Variants in HYCC1 observed in about 807,000 individuals in gnomAD.
HYCC1 encodes the protein hyccin.
the HYCC1 span, among the ~76,000 whole-genome samples, chr7:22,979,886 T>C: frequency 1.3e-5 from 2 of 152,172 alleles, no homozygotes; most frequent in African/African-American, 2.4e-5. Context: ...CAAGATTAGA[T>C]GAAATTATGC....
At chr7:22,914,336 T>C in the HYCC1 span, among the ~76,000 whole-genome samples, 185 of 152,328 alleles carry the variant, frequency 1.2e-3, no homozygotes, top group African/African-American at 4.3e-3. Flanking sequence ...TCCGTGTCTC[T>C]ACCCTCTCTT....
chr7:22,902,502 G>A, the HYCC1 span, among the ~76,000 whole-genome samples: 2 of 151,904 alleles, frequency 1.3e-5, no homozygotes, highest in South Asian at 2.1e-4. Context: ...AGAATTATTG[G>A]AACCAAAATT....
chr7:22,983,561 T>A, the HYCC1 span, among the ~76,000 whole-genome samples: 1 of 152,208 alleles, frequency 6.6e-6, no homozygotes, highest in Non-Finnish European at 1.5e-5. Flanking sequence ...CTTGAAACCA[T>A]GTGTTTACTT....
chr7:22,986,942 T>C, the HYCC1 span, among the ~76,000 whole-genome samples: 1 of 152,118 alleles, frequency 6.6e-6, no homozygotes, highest in African/African-American at 2.4e-5. Context: ...AAGGAGGTGA[T>C]AGGGGTTGAG....
chr7:22,949,411 G>A, the HYCC1 span, among the ~76,000 whole-genome samples: 1 of 151,940 alleles, frequency 6.6e-6, no homozygotes, highest in Non-Finnish European at 1.5e-5. Context: ...CTCTTCATTC[G>A]AGTCCGTTTG....
chr7:22,935,426 C>T, the HYCC1 span: 104,642 of 151,950 alleles, frequency 0.69, 36,052 homozygotes, highest in South Asian at 0.73. Context: ...TGATGCACTT[C>T]CAATTCACTC....
the HYCC1 span, among the ~76,000 whole-genome samples, chr7:22,930,347 T>TA: frequency 2.2e-3 from 250 of 114,988 alleles, 1 homozygote; most frequent in Middle Eastern, 9.1e-3. Context: ...GTATAATAAT[T>TA]AAAAAAAAAA....
At chr7:22,908,103 A>C in the HYCC1 span, among the ~76,000 whole-genome samples, 1 of 152,214 alleles carries the variant, frequency 6.6e-6, no homozygotes, top group South Asian at 2.1e-4. Flanking sequence ...CTTGCCTCCA[A>C]ATTTTCTGAG....
At chr7:22,978,326 G>A in the HYCC1 span, 4 of 1,613,940 alleles carry the variant, frequency 2.5e-6, no homozygotes, top group African/African-American at 1.3e-5. Flanking sequence ...GCACATTTCT[G>A]CTGGCTGAGA....
the HYCC1 span, among the ~76,000 whole-genome samples, chr7:22,914,552 C>T: frequency 9.9e-5 from 15 of 152,112 alleles, no homozygotes; most frequent in African/African-American, 3.6e-4. Flanking sequence ...CTTTTGATTT[C>T]TCCATCTTAC....
chr7:23,010,669 T>C, the HYCC1 span, among the ~76,000 whole-genome samples: 22,937 of 152,170 alleles, frequency 0.15, 2,140 homozygotes, highest in Admixed American at 0.22. Flanking sequence ...TACACTTCAA[T>C]AGAAAAGCTG....
At chr7:22,946,167 A>T in the HYCC1 span, 1 of 1,609,250 alleles carries the variant, frequency 6.2e-7, no homozygotes, top group South Asian at 1.1e-5. Context: ...GTATTTCCTA[A>T]ACAAAGAAAT....
chr7:22,938,349 A>C, the HYCC1 span: 1 of 152,152 alleles, frequency 6.6e-6, no homozygotes, highest in Non-Finnish European at 1.5e-5. Flanking sequence ...TGCTAATCCC[A>C]ATCAGTTCCC....
chr7:22,955,102 CA>C, the HYCC1 span, among the ~76,000 whole-genome samples: 2 of 151,356 alleles, frequency 1.3e-5, no homozygotes, highest in South Asian at 2.1e-4. Flanking sequence ...ACAGAACATA[CA>C]AAAAATCTTT....
chr7:22,948,516 A>C, the HYCC1 span, among the ~76,000 whole-genome samples: 1 of 152,118 alleles, frequency 6.6e-6, no homozygotes. Context: ...GATTTTTAAA[A>C]GCCCCAGGTG....
the HYCC1 span, among the ~76,000 whole-genome samples, chr7:22,967,339 A>G: frequency 6.6e-6 from 1 of 152,192 alleles, no homozygotes; most frequent in East Asian, 1.9e-4. Context: ...AGAAAAAGTG[A>G]TATTTTTCCA....
At chr7:22,962,945 C>T in the HYCC1 span, among the ~76,000 whole-genome samples, 1 of 152,094 alleles carries the variant, frequency 6.6e-6, no homozygotes, top group African/African-American at 2.4e-5. Context: ...CTCCAGCAAT[C>T]CAGCTCTCCA....
chr7:22,957,374 C>T, the HYCC1 span, among the ~76,000 whole-genome samples: 1 of 149,718 alleles, frequency 6.7e-6, no homozygotes, highest in African/African-American at 2.4e-5. Flanking sequence ...CACTCGTTTC[C>T]CTCTTCTACC....
the HYCC1 span, chr7:22,964,610 T>C: frequency 1.3e-6 from 1 of 771,714 alleles, no homozygotes; most frequent in Admixed American, 1.9e-5. Context: ...AAGCCAACAA[T>C]GTACTAGGTA....
Sources: allele counts gnomAD v4.1 joint callset (sites outside exome capture counted in the v4.1 genomes callset), GRCh38; gene constraint gnomAD v4.1.1; transcripts MANE v1.5; gene names NCBI Gene and HGNC (gene_info 2026-07-23, HGNC 2026-07-21).